The following DPP10 variants were observed in gnomAD, a reference collection of about 807,000 sequenced individuals.
DPP10 encodes dipeptidyl peptidase like 10.
DPP10 carries 33 observed loss-of-function variants against 120.9 expected under a neutral mutation model. The ratio of observed to expected loss-of-function variants is 0.27; its 90% CI spans 0.21 to 0.37. The LOEUF is 0.37. Ranked by LOEUF, DPP10 falls within the 10% of genes least tolerant of loss-of-function variation. The pLI, the probability that DPP10 is intolerant of heterozygous loss-of-function variation, is 1.00. For synonymous variants in DPP10, 337 were observed against 326.1 expected, an observed-to-expected ratio of 1.03 and a Z score of -0.36; for missense variants, 816 against 942.8, an observed-to-expected ratio of 0.87 and a Z score of 1.76.
intron 1 of DPP10, among the ~76,000 whole-genome samples, chr2:114,562,353 A>G (rs1408932514): frequency 6.6e-6 from 1 of 152,224 alleles, no homozygotes; most frequent in African/African-American, 2.4e-5. Context: ...TTTAGTAAAT[A>G]TTTATAACCC....
intron 1 of DPP10, among the ~76,000 whole-genome samples, chr2:114,866,228 A>C (rs1690223162): frequency 6.6e-6 from 1 of 151,974 alleles, no homozygotes; most frequent in Non-Finnish European, 1.5e-5. Flanking sequence ...TTCATCCTAC[A>C]TTTTCTCTCA....
At chr2:114,483,099 A>G (rs1681205747) in intron 1 of DPP10, among the ~76,000 whole-genome samples, 1 of 152,200 alleles carries the variant, frequency 6.6e-6, no homozygotes, top group South Asian at 2.1e-4. Context: ...AGTTGAATAA[A>G]TGATGTAAAT....
rs554829253 is a variant in DPP10 at position 115,844,087 on chromosome 2, C to T, written c.*1742C>T. On this transcript the variant is annotated 3_prime_UTR_variant, in exon 26 of 26. Coordinates refer to ENST00000410059, the MANE Select transcript of DPP10 (RefSeq NM_020868.6). Reference sequence around the variant, plus strand: ...CAATTTAAAATAGGAGAGGCTTTCTCTTCTGAAAGATCCATTTTAGGTCTT... The same window carrying T: ...CAATTTAAAATAGGAGAGGCTTTCTTTTCTGAAAGATCCATTTTAGGTCTT... The T allele has an allele frequency of 2.0e-5, 3 of 152,690 alleles. No individual in the cohort carries two copies. Among genetic ancestry groups the T allele is most frequent in the Admixed American group, 2.0e-4 (3 of 15,292 alleles). The allele number at this position is 152,690 out of a possible 1,614,324, so 9.5% of individuals were successfully genotyped here.
Position 115,568,193 on chromosome 2 carries a change from A to T in DPP10, c.441+42221A>T, listed in dbSNP as rs1325467947. On this transcript the variant is annotated intron_variant, in intron 5 of 25. Transcript: ENST00000410059. ...GACTCCGTCTCAAAAAAAAGAAAAA[A>T]AAAAAAAAAGACTGGGAGCAGTGGC... Among the ~76,000 whole-genome samples, 4 of 148,408 alleles carry T rather than the reference A, an allele frequency of 2.7e-5. 1 individual carries two copies. The East Asian group carries it at 8.1e-4, about 30-fold the overall frequency.
chr2:115,101,518 C>T (rs866902799), intron 1 of DPP10, among the ~76,000 whole-genome samples: 31 of 152,214 alleles, frequency 2.0e-4, no homozygotes, highest in Admixed American at 1.4e-3. Context: ...TTGGATCATA[C>T]GGCCCAAGTA....
chr2:115,792,767 T>G (rs183853687), intron 19 of DPP10, among the ~76,000 whole-genome samples: 18 of 152,306 alleles, frequency 1.2e-4, no homozygotes, highest in African/African-American at 3.8e-4. Context: ...CAGTCACGTC[T>G]CCCTTTGGTA....
At chr2:114,467,876 A>G (rs1457767476) in intron 1 of DPP10, among the ~76,000 whole-genome samples, 1 of 152,038 alleles carries the variant, frequency 6.6e-6, no homozygotes, top group Non-Finnish European at 1.5e-5. Flanking sequence ...AACATTAGCC[A>G]GGCATGGTGG....
At chr2:115,444,176 ATGGTCCAAGTTC>A (rs1331275387) in intron 3 of DPP10, among the ~76,000 whole-genome samples, 1 of 152,194 alleles carries the variant, frequency 6.6e-6, no homozygotes, top group Non-Finnish European at 1.5e-5. Context: ...AAGACCAGAG[ATGGTCCAAGTTC>A]TGGTCATTTT....
intron 1 of DPP10, among the ~76,000 whole-genome samples, chr2:115,302,037 C>T (rs1259691895): frequency 6.6e-6 from 1 of 151,938 alleles, no homozygotes; most frequent in Admixed American, 6.6e-5. Flanking sequence ...GGAAGTATGA[C>T]TGGACGGCCT....
At chr2:114,950,454 C>T (rs1697698452) in intron 1 of DPP10, among the ~76,000 whole-genome samples, 1 of 146,312 alleles carries the variant, frequency 6.8e-6, no homozygotes, top group Admixed American at 7.1e-5. Context: ...GCCACCACGC[C>T]CCGGTAATTT....
At chr2:114,984,072 T>C (rs1700251432) in intron 1 of DPP10, among the ~76,000 whole-genome samples, 1 of 152,230 alleles carries the variant, frequency 6.6e-6, no homozygotes, top group Non-Finnish European at 1.5e-5. Context: ...TTTATCATTT[T>C]AATTCACTAC....
chr2:115,519,747 C>G (rs186793053), intron 4 of DPP10, among the ~76,000 whole-genome samples: 2 of 152,146 alleles, frequency 1.3e-5, no homozygotes, highest in Admixed American at 1.3e-4. Flanking sequence ...CTTGATTTCC[C>G]TTTTCTTCTT....
chr2:114,835,367 A>G (rs1410888186), intron 1 of DPP10: 1 of 152,082 alleles, frequency 6.6e-6, no homozygotes, highest in African/African-American at 2.4e-5. Context: ...TATATAAGAC[A>G]TATCTACACA....
At chr2:115,005,593 G>A (rs1276209558) in intron 1 of DPP10, among the ~76,000 whole-genome samples, 1 of 152,078 alleles carries the variant, frequency 6.6e-6, no homozygotes, top group Non-Finnish European at 1.5e-5. Flanking sequence ...GAGCCGATGT[G>A]ATCAACTGGA....
chr2:114,762,727 G>A (rs138253391), intron 1 of DPP10, among the ~76,000 whole-genome samples: 73 of 152,322 alleles, frequency 4.8e-4, no homozygotes, highest in African/African-American at 1.7e-3. Context: ...AACATTCTGA[G>A]CAGAGCCTTA....
At chr2:114,726,234 TAAAAAAA>T (rs66544851) in intron 1 of DPP10, among the ~76,000 whole-genome samples, 1 of 113,884 alleles carries the variant, frequency 8.8e-6, no homozygotes, top group African/African-American at 3.3e-5. Flanking sequence ...AGACTACGTC[TAAAAAAA>T]AAAAAAAAAA....
At chr2:114,753,956 A>G (rs958658058) in intron 1 of DPP10, among the ~76,000 whole-genome samples, 20 of 151,982 alleles carry the variant, frequency 1.3e-4, no homozygotes, top group Non-Finnish European at 2.5e-4. Flanking sequence ...AAAATGTTAA[A>G]TACAGCATAA....
chr2:115,097,847 C>G (rs1450242221), intron 1 of DPP10, among the ~76,000 whole-genome samples: 1 of 152,066 alleles, frequency 6.6e-6, no homozygotes, highest in Admixed American at 6.5e-5. Context: ...TACTAGCTTT[C>G]TACAGAGATC....
At chr2:115,543,764 G>A (rs1010154392) in intron 5 of DPP10, among the ~76,000 whole-genome samples, 30 of 151,866 alleles carry the variant, frequency 2.0e-4, no homozygotes, top group African/African-American at 6.3e-4. Context: ...TGTGAATGTC[G>A]CTGTTGCTGT....
Sources: gnomAD v4.1 joint callset for allele counts (sites outside exome capture counted in the v4.1 genomes callset) on GRCh38, gnomAD v4.1.1 for gene constraint, MANE v1.5 for transcripts, NCBI Gene and HGNC (gene_info 2026-07-23, HGNC 2026-07-21) for gene names.